ADGRL3: variants seen among roughly 807,000 people sequenced by gnomAD.
ADGRL3 encodes calcium-independent alpha-latrotoxin receptor 3.
Under a neutral mutation model 153.5 loss-of-function variants are expected in ADGRL3, and 62 were observed. The ratio of observed to expected loss-of-function variants is 0.40; its 90% CI spans 0.33 to 0.50. ADGRL3 has a LOEUF of 0.50. Among genes scored for constraint, ADGRL3 ranks in the 20% least tolerant of loss-of-function variants. ADGRL3 has a pLI of 0.47. For missense variants in ADGRL3, 1,641 were observed against 1,859.4 expected (o/e 0.88, Z 2.16); for synonymous variants, 710 against 672.5 (o/e 1.06, Z -0.86).
At chr4:61,797,490 G>A (rs2097429101) in intron 8 of ADGRL3, among the ~76,000 whole-genome samples, 1 of 152,146 alleles carries the variant, frequency 6.6e-6, no homozygotes, top group African/African-American at 2.4e-5. Flanking sequence ...AGAAAGAACT[G>A]TAGCAATTAC....
Position 62,071,663 on chromosome 4 carries a change from T to A in ADGRL3, c.*755T>A. 2.6e-6 allele frequency: 1 copy of A among 387,794 alleles called. No individual in the cohort carries two copies. The highest frequency in any genetic ancestry group is 4.9e-6 in the Non-Finnish European group (1 of 202,298). 24.0% of individuals were successfully genotyped at this position (387,794 alleles called of 1,614,324 possible). A position where few individuals can be genotyped will look rare whatever the true frequency, so the allele number is the denominator to read the frequency against. On this transcript the variant is annotated 3_prime_UTR_variant, in exon 27 of 27. Coordinates refer to ENST00000683033, the MANE Select transcript of ADGRL3 (RefSeq NM_001387552.1). ...AAAAAAAAAAAAGAAATTTTCTTTT[T>A]CTTTTGTGCTGGTCTTGCAAGTTTG...
chr4:61,892,007 T>C (rs1460484091), intron 9 of ADGRL3, among the ~76,000 whole-genome samples: 1 of 152,198 alleles, frequency 6.6e-6, no homozygotes, highest in East Asian at 1.9e-4. Context: ...TTGTAACTAT[T>C]TGGAAACTAC....
At position 62,071,306 on chromosome 4, in the gene ADGRL3, C is replaced by A. The variant is rs750772952; in HGVS notation, c.*398C>A. The A allele has an allele frequency of 5.7e-6, 1 of 175,232 alleles. No individual in the cohort carries two copies. Among genetic ancestry groups the A allele is most frequent in the East Asian group, 1.5e-4 (1 of 6,636 alleles). 10.9% of individuals were successfully genotyped at this position (175,232 alleles called of 1,614,324 possible). A position where few individuals can be genotyped will look rare whatever the true frequency, so the allele number is the denominator to read the frequency against. On this transcript the variant is annotated 3_prime_UTR_variant, in exon 27 of 27. Coordinates refer to ENST00000683033, the MANE Select transcript of ADGRL3 (RefSeq NM_001387552.1). Reference sequence around the variant, plus strand: ...CAGAACAATTGTCTGAAATTAGTAACAATGCTGCATCTAGATTGGAGTGCT... The same window carrying A: ...CAGAACAATTGTCTGAAATTAGTAAAAATGCTGCATCTAGATTGGAGTGCT...
intron 8 of ADGRL3, among the ~76,000 whole-genome samples, chr4:61,768,393 A>G (rs1048643301): frequency 4.6e-5 from 7 of 152,024 alleles, no homozygotes; most frequent in African/African-American, 1.7e-4. Context: ...AGACTCAGCG[A>G]CGCTTGGGGT....
chr4:61,700,315 A>AGG (rs1561086269), intron 6 of ADGRL3, among the ~76,000 whole-genome samples: 1 of 152,134 alleles, frequency 6.6e-6, no homozygotes, highest in Non-Finnish European at 1.5e-5. Flanking sequence ...AATATGAAAA[A>AGG]AAATTTAATT....
In ADGRL3 at chr4:61,373,996, C is replaced by T. The variant is rs978185483; in HGVS notation, c.-239-9128C>T. ...GCAGAGTAAAATACCCACACATACA[C>T]GAATCCTTTGAACTTCATCAAGGGG... On this transcript the variant is annotated intron_variant, in intron 1 of 26. Coordinates refer to ENST00000683033, the MANE Select transcript of ADGRL3 (RefSeq NM_001387552.1). Among the ~76,000 whole-genome samples the T allele has an allele frequency of 8.5e-5, 13 of 152,230 alleles. 1 individual carries two copies. The highest frequency in any genetic ancestry group is 6.8e-3 in the Middle Eastern group (2 of 294).
chr4:61,948,735 A>G (rs933958468), intron 17 of ADGRL3, among the ~76,000 whole-genome samples: 2 of 152,202 alleles, frequency 1.3e-5, no homozygotes, highest in Non-Finnish European at 2.9e-5. Context: ...AGGACTTGGC[A>G]TACCCTAACA....
At chr4:61,945,859 C>T (rs546944160) in intron 15 of ADGRL3, among the ~76,000 whole-genome samples, 2,071 of 152,148 alleles carry the variant, frequency 0.014, 59 homozygotes, top group African/African-American at 0.047. Flanking sequence ...GAGATGAACC[C>T]GGTACCTCAG....
intron 3 of ADGRL3, among the ~76,000 whole-genome samples, chr4:61,505,026 C>G (rs1323044885): frequency 6.6e-6 from 1 of 152,086 alleles, no homozygotes; most frequent in Non-Finnish European, 1.5e-5. Context: ...TTTGAGGGAC[C>G]TTCATGCTGT....
At chr4:62,013,499 A>T (rs1471712077) in intron 21 of ADGRL3, among the ~76,000 whole-genome samples, 2 of 151,846 alleles carry the variant, frequency 1.3e-5, no homozygotes, top group Non-Finnish European at 1.5e-5. Flanking sequence ...CCAAGATCAC[A>T]CTGTTGCACT....
chr4:61,328,748 T>C (rs1344449630), intron 1 of ADGRL3, among the ~76,000 whole-genome samples: 1 of 152,162 alleles, frequency 6.6e-6, no homozygotes, highest in Non-Finnish European at 1.5e-5. Context: ...ATATTAGGGA[T>C]GTTAGATGAT....
At chr4:61,842,881 T>C (rs2098054879) in intron 9 of ADGRL3, among the ~76,000 whole-genome samples, 1 of 152,154 alleles carries the variant, frequency 6.6e-6, no homozygotes, top group Non-Finnish European at 1.5e-5. Flanking sequence ...AAGATGATAG[T>C]GTCTATATTG....
At chr4:61,798,784 A>G (rs1349712728) in intron 8 of ADGRL3, among the ~76,000 whole-genome samples, 7 of 150,780 alleles carry the variant, frequency 4.6e-5, no homozygotes, top group Non-Finnish European at 1.0e-4. Context: ...TACACAGCTA[A>G]TTTTTTATGT....
intron 1 of ADGRL3, among the ~76,000 whole-genome samples, chr4:61,219,637 T>A (rs1398218987): frequency 1.3e-5 from 2 of 152,230 alleles, no homozygotes; most frequent in Non-Finnish European, 2.9e-5. Context: ...CTGTATTGTT[T>A]AAGAACTTAT....
chr4:61,603,526 TCTC>T (rs955390163), intron 5 of ADGRL3, among the ~76,000 whole-genome samples: 1 of 152,136 alleles, frequency 6.6e-6, no homozygotes, highest in African/African-American at 2.4e-5. Context: ...GGATCAGAGT[TCTC>T]CTTTGCTCAT....
At chr4:61,299,568 T>A (rs1310207701) in intron 1 of ADGRL3, among the ~76,000 whole-genome samples, 2 of 152,212 alleles carry the variant, frequency 1.3e-5, no homozygotes, top group South Asian at 2.1e-4. Flanking sequence ...ACACTTTACA[T>A]CTTTGAAAAG....
intron 4 of ADGRL3, among the ~76,000 whole-genome samples, chr4:61,577,915 T>C (rs1326943263): frequency 6.6e-6 from 1 of 152,076 alleles, no homozygotes; most frequent in Non-Finnish European, 1.5e-5. Flanking sequence ...TAGATTTTTA[T>C]ACAAAGATTC....
At chr4:61,907,187 A>C (rs575103229) in intron 11 of ADGRL3, among the ~76,000 whole-genome samples, 1 of 152,120 alleles carries the variant, frequency 6.6e-6, no homozygotes, top group Non-Finnish European at 1.5e-5. Context: ...ACAGTATAGG[A>C]TGTTCCCAAA....
chr4:61,384,487 C>T (rs930313111), intron 2 of ADGRL3, among the ~76,000 whole-genome samples: 1 of 151,000 alleles, frequency 6.6e-6, no homozygotes, highest in Non-Finnish European at 1.5e-5. Flanking sequence ...AAATAATTTA[C>T]ATACATTTTC....
Sources: gnomAD v4.1 joint callset for allele counts (sites outside exome capture counted in the v4.1 genomes callset) on GRCh38, gnomAD v4.1.1 for gene constraint, MANE v1.5 for transcripts, NCBI Gene and HGNC (gene_info 2026-07-23, HGNC 2026-07-21) for gene names.